Variants in DYM observed in about 807,000 individuals in gnomAD.
The protein encoded by DYM is dymeclin.
Under a neutral mutation model 93.1 loss-of-function variants are expected in DYM, and 78 were observed. The ratio of observed to expected loss-of-function variants is 0.84; its 90% CI spans 0.70 to 1.01. The LOEUF is 1.01. Among genes scored for constraint, DYM ranks in the 50% least tolerant of loss-of-function variants. The probability of loss-of-function intolerance (pLI) is 0.00; values close to 1 mark genes in which losing one functional copy is unlikely to be tolerated. For missense variants in DYM, 789 were observed against 845.0 expected (o/e 0.93, Z 0.82); for synonymous variants, 321 against 319.7 (o/e 1.00, Z -0.04).
At chr18:49,328,790 C>A (rs1172709153) in intron 8 of DYM, among the ~76,000 whole-genome samples, 1 of 152,126 alleles carries the variant, frequency 6.6e-6, no homozygotes, top group Non-Finnish European at 1.5e-5. Context: ...ACAACAGGTG[C>A]TGGAGAGGAT....
chr18:49,460,336 A>C (rs937719038), intron 1 of DYM, 62 bp downstream of exon 1: 1 of 151,980 alleles, frequency 6.6e-6, no homozygotes, highest in African/African-American at 2.4e-5. Flanking sequence ...CTCTGACAGG[A>C]GGCCGGGGAC....
chr18:49,126,993 G>A (rs188502822), intron 15 of DYM, among the ~76,000 whole-genome samples: 6 of 152,274 alleles, frequency 3.9e-5, no homozygotes, highest in Admixed American at 2.6e-4. Context: ...TGGAAGACAC[G>A]CTTTTGAAAA....
At chr18:49,362,044 TAA>T (rs1241608141) in intron 6 of DYM, among the ~76,000 whole-genome samples, 5 of 150,174 alleles carry the variant, frequency 3.3e-5, no homozygotes, top group Non-Finnish European at 5.9e-5. Flanking sequence ...TTTTTTTTTT[TAA>T]GTAGAGACAG....
intron 3 of DYM, among the ~76,000 whole-genome samples, chr18:49,386,785 T>TA (rs2147818392): frequency 6.6e-6 from 1 of 152,268 alleles, no homozygotes; most frequent in African/African-American, 2.4e-5. Context: ...TGCTTTGCTT[T>TA]ATTGTGCTTC....
At position 49,363,216 on chromosome 18, in the gene DYM, G is replaced by A. The variant is rs774633523; in HGVS notation, c.439C>T (p.Leu147Phe). The change falls in exon 6 of 18, where the codon CTT becomes TTT. Residue 147 changes from leucine to phenylalanine, a missense_variant. Coordinates refer to ENST00000675505, the MANE Select transcript of DYM (RefSeq NM_001353214.3). ...PGNYSSDSEDLLEELLCCLMQ... is the reference protein window; with the variant it reads ...PGNYSSDSEDFLEELLCCLMQ... ...AAACAGCACAGCAATTCTTCCAAAA[G>A]ATCTTCTGAGTCAGAACCTGGTAAG... 10 of 1,613,656 alleles carry A rather than the reference G, an allele frequency of 6.2e-6. No homozygotes were observed. The highest frequency in any genetic ancestry group is 8.5e-6 in the Non-Finnish European group (10 of 1,179,816).
intron 3 of DYM, 193 bp downstream of exon 3, chr18:49,391,400 A>T (rs2069239874): frequency 3.4e-6 from 2 of 595,660 alleles, no homozygotes; most frequent in East Asian, 3.0e-5. Context: ...CTGCAGATAT[A>T]GCCAAGCATG....
intron 1 of DYM, among the ~76,000 whole-genome samples, chr18:49,444,717 C>CCAAAAAAAAAAAA (rs1472236057): frequency 6.6e-6 from 1 of 152,146 alleles, no homozygotes; most frequent in East Asian, 1.9e-4. Context: ...ACCTAATCCT[C>CCAAAAAAAAAAAA]AATTGGAAGT....
chr18:49,093,299 G>C (rs890367513), intron 17 of DYM: 1 of 152,256 alleles, frequency 6.6e-6, no homozygotes, highest in Non-Finnish European at 1.5e-5. Context: ...TCCACCTGAC[G>C]ATCGGCCAGC....
At chr18:49,448,806 T>G (rs1435304030) in intron 1 of DYM, among the ~76,000 whole-genome samples, 2 of 152,222 alleles carry the variant, frequency 1.3e-5, no homozygotes, top group Non-Finnish European at 2.9e-5. Flanking sequence ...CCTGAAACTT[T>G]AAAAAGCAGC....
chr18:49,179,981 G>A (rs2089761120), intron 14 of DYM, among the ~76,000 whole-genome samples: 1 of 152,084 alleles, frequency 6.6e-6, no homozygotes. Flanking sequence ...GAAATTACAT[G>A]ACCTAGACTA....
intron 10 of DYM, among the ~76,000 whole-genome samples, chr18:49,279,015 T>C (rs1001791336): frequency 7.2e-5 from 11 of 152,200 alleles, no homozygotes; most frequent in Non-Finnish European, 1.3e-4. Context: ...CTAAAAAGTA[T>C]GCCCTCTTAT....
chr18:49,378,867 A>G (rs2067770303), intron 4 of DYM, among the ~76,000 whole-genome samples, 167 bp from the exon 5 acceptor site: 1 of 152,136 alleles, frequency 6.6e-6, no homozygotes, highest in Non-Finnish European at 1.5e-5. Context: ...TCATTGTACC[A>G]GTGATATTAT....
intron 8 of DYM, among the ~76,000 whole-genome samples, chr18:49,297,252 TTAG>T (rs1463092474): frequency 6.6e-6 from 1 of 152,206 alleles, no homozygotes; most frequent in Non-Finnish European, 1.5e-5. Flanking sequence ...TAGAATGAAA[TTAG>T]TTGTCATAAA....
At chr18:49,126,232 G>C (rs1327363477) in intron 15 of DYM, 1 of 152,048 alleles carries the variant, frequency 6.6e-6, no homozygotes, top group Non-Finnish European at 1.5e-5. Flanking sequence ...CATTGGTGTT[G>C]GAAGATCAAC....
intron 16 of DYM, among the ~76,000 whole-genome samples, chr18:49,102,741 GA>G (rs942406992): frequency 3.1e-4 from 47 of 152,252 alleles, no homozygotes; most frequent in African/African-American, 1.1e-3. Flanking sequence ...CAAAGGACAT[GA>G]ACTCATCCTT....
intron 6 of DYM, among the ~76,000 whole-genome samples, chr18:49,335,958 C>G (rs1247529800): frequency 6.6e-6 from 1 of 152,108 alleles, no homozygotes; most frequent in Non-Finnish European, 1.5e-5. Flanking sequence ...GGACTACAGG[C>G]AGACGCCATC....
chr18:49,108,931 T>C (rs1456198108), intron 16 of DYM, among the ~76,000 whole-genome samples: 1 of 152,226 alleles, frequency 6.6e-6, no homozygotes, highest in African/African-American at 2.4e-5. Context: ...CCTTGGTGAA[T>C]TGACTTCTTT....
rs533987247 is a variant in DYM at position 49,374,308 on chromosome 18, C to T, written c.421+4259G>A. Among the ~76,000 whole-genome samples the T allele has an allele frequency of 2.0e-4, 31 of 152,258 alleles. No homozygotes were observed. The East Asian group carries it at 5.6e-3, about 27-fold the overall frequency. On this transcript the variant is annotated intron_variant, in intron 5 of 17. Transcript: ENST00000675505. ...TTGATTAAGTCTATACTATAACATA[C>T]AGTTATATGGTAGTCAGAGAACATA... is the stretch of plus-strand genomic sequence containing the variant.
chr18:49,401,853 C>A (rs76375627), intron 2 of DYM, among the ~76,000 whole-genome samples: 13,926 of 151,834 alleles, frequency 0.092, 861 homozygotes, highest in East Asian at 0.31. Flanking sequence ...TGGCAAAACC[C>A]CATCTCTACT....
Sources: allele counts gnomAD v4.1 joint callset (sites outside exome capture counted in the v4.1 genomes callset), GRCh38; gene constraint gnomAD v4.1.1; transcripts MANE v1.5; gene names NCBI Gene and HGNC (gene_info 2026-07-23, HGNC 2026-07-21).